Variants in CCSER1 observed in about 807,000 individuals in gnomAD.
CCSER1 encodes the protein coiled-coil serine rich protein 1.
CCSER1 carries 41 observed loss-of-function variants against 82.0 expected under a neutral mutation model. The ratio of observed to expected loss-of-function variants is 0.50; its 90% confidence interval spans 0.39 to 0.65. The LOEUF (loss-of-function observed/expected upper bound fraction) is 0.65. CCSER1 is among the 30% of genes least tolerant of loss of function. The probability of loss-of-function intolerance (pLI) is 0.00; values close to 1 mark genes in which losing one functional copy is unlikely to be tolerated. For missense variants in CCSER1, 1,119 were observed against 1,064.2 expected, an observed-to-expected ratio of 1.05 and a Z score of -0.72; for synonymous variants, 414 against 383.9, an observed-to-expected ratio of 1.08 and a Z score of -0.92.
At chr4:91,118,166 T>C (rs1012787637) in intron 10 of CCSER1, among the ~76,000 whole-genome samples, 2 of 152,128 alleles carry the variant, frequency 1.3e-5, no homozygotes, top group African/African-American at 4.8e-5. Context: ...TTATGTAAAA[T>C]GAGTGCTCTA....
intron 10 of CCSER1, among the ~76,000 whole-genome samples, chr4:91,146,245 T>C (rs551902354): frequency 1.9e-4 from 29 of 152,344 alleles, no homozygotes; most frequent in African/African-American, 6.7e-4. Flanking sequence ...TTTTGAAATT[T>C]CTGTAGTGAA....
chr4:90,222,439 A>G (rs1018391380), intron 1 of CCSER1, among the ~76,000 whole-genome samples: 1 of 152,110 alleles, frequency 6.6e-6, no homozygotes, highest in African/African-American at 2.4e-5. Flanking sequence ...TTTTAATAGC[A>G]TTGCTTCTCT....
At chr4:91,132,431 A>G (rs7667572) in intron 10 of CCSER1, among the ~76,000 whole-genome samples, 18,963 of 152,256 alleles carry the variant, frequency 0.12, 1,440 homozygotes, top group East Asian at 0.27. Flanking sequence ...GCAAGTGCTA[A>G]TATCACAGCA....
chr4:91,158,641 TG>T (rs1731063079), intron 10 of CCSER1, among the ~76,000 whole-genome samples: 1 of 151,878 alleles, frequency 6.6e-6, no homozygotes, highest in Non-Finnish European at 1.5e-5. Context: ...TGTGTGTGTG[TG>T]TGTGTCTCAC....
chr4:91,075,864 A>C (rs1721941053), intron 9 of CCSER1, among the ~76,000 whole-genome samples: 1 of 152,132 alleles, frequency 6.6e-6, no homozygotes, highest in African/African-American at 2.4e-5. Flanking sequence ...AAATCAACCA[A>C]ATTACTGTCA....
intron 5 of CCSER1, among the ~76,000 whole-genome samples, chr4:90,544,315 T>A (rs1776480535): frequency 6.6e-6 from 1 of 152,150 alleles, no homozygotes; most frequent in Non-Finnish European, 1.5e-5. Flanking sequence ...ATTCACTGCC[T>A]GGATGAATAG....
chr4:90,344,379 GTTC>G (rs918866187), intron 3 of CCSER1, among the ~76,000 whole-genome samples: 2 of 152,052 alleles, frequency 1.3e-5, no homozygotes, highest in African/African-American at 4.8e-5. Flanking sequence ...TTCTGCACGT[GTTC>G]TTATTATACT....
At chr4:91,578,615 A>G (rs941099823) in intron 10 of CCSER1, among the ~76,000 whole-genome samples, 1 of 151,992 alleles carries the variant, frequency 6.6e-6, no homozygotes, top group Non-Finnish European at 1.5e-5. Context: ...ATTTTTTAAA[A>G]TGAGTCAAGT....
chr4:91,269,387 C>T (rs752098212), intron 10 of CCSER1, among the ~76,000 whole-genome samples: 34 of 151,970 alleles, frequency 2.2e-4, no homozygotes, highest in Non-Finnish European at 4.6e-4. Context: ...CTACGTGTTT[C>T]CTGAACTGTT....
intron 3 of CCSER1, among the ~76,000 whole-genome samples, chr4:90,393,519 G>A (rs551673948): frequency 2.4e-4 from 36 of 152,154 alleles, no homozygotes; most frequent in African/African-American, 8.4e-4. Context: ...GATTACAGCA[G>A]TTATACTATG....
At chr4:91,034,691 T>G (rs1741282652) in intron 9 of CCSER1, among the ~76,000 whole-genome samples, 1 of 152,294 alleles carries the variant, frequency 6.6e-6, no homozygotes, top group Non-Finnish European at 1.5e-5. Context: ...TAGTTTCATC[T>G]GTAAAATGAT....
At chr4:90,392,006 C>T (rs1751253538) in intron 3 of CCSER1, among the ~76,000 whole-genome samples, 1 of 151,918 alleles carries the variant, frequency 6.6e-6, no homozygotes, top group Non-Finnish European at 1.5e-5. Flanking sequence ...GTGATACAAA[C>T]TCATGCAGTT....
At chr4:90,533,314 C>T (rs1259296934) in intron 5 of CCSER1, among the ~76,000 whole-genome samples, 2 of 151,966 alleles carry the variant, frequency 1.3e-5, no homozygotes, top group African/African-American at 4.8e-5. Context: ...CCAGGATGGT[C>T]TCCATCTCCT....
Position 91,603,001 on chromosome 4 carries a change from C to T in CCSER1, c.*3944C>T, listed in dbSNP as rs1415471201. ...CATGTAATATTCTTGGGAAATTTACCTCTCCTAGAGTTTAAGCTTTTTAAA... is the reference window on the plus strand; with the variant it reads ...CATGTAATATTCTTGGGAAATTTACTTCTCCTAGAGTTTAAGCTTTTTAAA... On this transcript the variant is annotated 3_prime_UTR_variant, in exon 11 of 11. Transcript: ENST00000509176. Among the ~76,000 whole-genome samples, 1 of 151,902 alleles carries T rather than the reference C, an allele frequency of 6.6e-6. No individual in the cohort carries two copies. Among genetic ancestry groups the T allele is most frequent in the African/African-American group, 2.4e-5 (1 of 41,392 alleles).
rs555031248 is a variant in CCSER1, at chr4:91,258,996, A to G, written c.2217+173002A>G. 7.2e-5 allele frequency among the ~76,000 whole-genome samples: 11 copies of G among 152,302 alleles called. No homozygotes were observed. In the East Asian group the frequency reaches 1.2e-3, roughly 16 times the overall value. ...TCAAAAATGACTTTAAATTCTGATAATAGTATAAAAATGAAATCTAAATTC... is the reference window on the plus strand; with the variant it reads ...TCAAAAATGACTTTAAATTCTGATAGTAGTATAAAAATGAAATCTAAATTC... On this transcript the variant is annotated intron_variant, in intron 10 of 10. Coordinates refer to ENST00000509176, the MANE Select transcript of CCSER1 (RefSeq NM_001145065.2).
At chr4:91,521,251 A>C (rs990093991) in intron 10 of CCSER1, among the ~76,000 whole-genome samples, 1 of 152,160 alleles carries the variant, frequency 6.6e-6, no homozygotes, top group Non-Finnish European at 1.5e-5. Flanking sequence ...TCCATGTTGT[A>C]TATGTGCCAC....
chr4:90,958,122 T>C (rs1312912899), intron 9 of CCSER1, among the ~76,000 whole-genome samples: 1 of 152,138 alleles, frequency 6.6e-6, no homozygotes, highest in Admixed American at 6.5e-5. Context: ...ATGGGATGCA[T>C]CAAGTTTTAT....
At chr4:90,255,134 G>T (rs72877758) in intron 1 of CCSER1, among the ~76,000 whole-genome samples, 1 of 151,862 alleles carries the variant, frequency 6.6e-6, no homozygotes, top group Non-Finnish European at 1.5e-5. Flanking sequence ...AGCGCTTTTC[G>T]TCAGCAAGTA....
At chr4:91,166,860 T>C (rs1015218416) in intron 10 of CCSER1, among the ~76,000 whole-genome samples, 1 of 152,008 alleles carries the variant, frequency 6.6e-6, no homozygotes, top group African/African-American at 2.4e-5. Context: ...GCAGAAATAA[T>C]TTTTTTTAAA....
Sources: allele counts gnomAD v4.1 joint callset (sites outside exome capture counted in the v4.1 genomes callset), GRCh38; gene constraint gnomAD v4.1.1; transcripts MANE v1.5; gene names NCBI Gene and HGNC (gene_info 2026-07-23, HGNC 2026-07-21).